Variants in PDE10A observed in about 807,000 individuals in gnomAD.
PDE10A encodes cAMP and cAMP-inhibited cGMP 3',5'-cyclic phosphodiesterase 10A.
A neutral mutation model predicts 97.7 loss-of-function variants in PDE10A; 39 were observed. The ratio of observed to expected loss-of-function variants is 0.40; its 90% CI spans 0.31 to 0.52. PDE10A has a LOEUF of 0.52. Ranked by LOEUF, PDE10A falls within the 20% of genes least tolerant of loss-of-function variation. The pLI is 0.56. For synonymous variants in PDE10A, 371 were observed against 376.8 expected (o/e 0.98, Z 0.18); for missense variants, 731 against 1,047.8 (o/e 0.70, Z 4.17).
chr6:165,528,844 G>T (rs1782605915), intron 2 of PDE10A, among the ~76,000 whole-genome samples: 2 of 152,150 alleles, frequency 1.3e-5, no homozygotes, highest in Admixed American at 6.5e-5. Context: ...ACACCAACTA[G>T]GTGACAATAT....
At chr6:165,892,538 G>A (rs1781833091) in intron 1 of PDE10A, among the ~76,000 whole-genome samples, 1 of 152,176 alleles carries the variant, frequency 6.6e-6, no homozygotes, top group Admixed American at 6.5e-5. Context: ...CTGGAGGTAT[G>A]GCAGCCTCCC....
At chr6:165,844,621 A>T (rs551444494) in intron 1 of PDE10A, among the ~76,000 whole-genome samples, 1 of 152,346 alleles carries the variant, frequency 6.6e-6, no homozygotes, top group Admixed American at 6.5e-5. Flanking sequence ...ATATGTTTTA[A>T]AACCCCAAGT....
intron 1 of PDE10A, among the ~76,000 whole-genome samples, chr6:165,893,223 C>T (rs1045669457): frequency 6.6e-6 from 1 of 152,218 alleles, no homozygotes; most frequent in Non-Finnish European, 1.5e-5. Context: ...AAATAAGCAT[C>T]GCTACAGCAA....
In PDE10A at chr6:165,947,722, T is replaced by C. The variant is rs554601660; in HGVS notation, c.-615+39807A>G. 1.1e-4 allele frequency among the ~76,000 whole-genome samples: 16 copies of C among 152,340 alleles called. No homozygotes were observed. The South Asian group carries it at 2.5e-3, about 24-fold the overall frequency. On this transcript the variant is annotated intron_variant, in intron 1 of 19. Transcript: ENST00000366882. ...ATTGATTCAATGTGCATTAATATGCTATAACCACTGCTACTTTTGATGTCG... is the reference window on the plus strand; with the variant it reads ...ATTGATTCAATGTGCATTAATATGCCATAACCACTGCTACTTTTGATGTCG...
At chr6:165,598,848 T>C (rs1468613976) in intron 1 of PDE10A, among the ~76,000 whole-genome samples, 2 of 152,202 alleles carry the variant, frequency 1.3e-5, no homozygotes, top group Non-Finnish European at 2.9e-5. Context: ...TGCCAGCCGC[T>C]GGGAGGCTGG....
At chr6:165,792,570 C>T (rs1235404432) in intron 1 of PDE10A, among the ~76,000 whole-genome samples, 3 of 152,062 alleles carry the variant, frequency 2.0e-5, no homozygotes, top group African/African-American at 7.2e-5. Flanking sequence ...TCCAGTCTCC[C>T]CAGTCTCCGC....
Position 165,671,137 on chromosome 6 carries a change from A to ATT in PDE10A, c.-614-127571_-614-127570dup, listed in dbSNP as rs34532096. Among the ~76,000 whole-genome samples the ATT allele has an allele frequency of 0.025, 3,737 of 149,436 alleles. 143 individuals carry two copies. The highest frequency in any genetic ancestry group is 0.086 in the African/African-American group (3,512 of 40,798). On this transcript the variant is annotated intron_variant, in intron 1 of 19. Coordinates refer to the PDE10A transcript ENST00000366882. The surrounding 1 kb of genome is among the most constrained non-coding windows in gnomAD (Gnocchi z 4.6). ...CCCTTTTTGGGTAAAACGTTCACTA[A>ATT]TTTTTTTTTTTTTAAGAATCAACAA...
At chr6:165,974,243 G>A (rs1416605173) in intron 1 of PDE10A, among the ~76,000 whole-genome samples, 1 of 152,220 alleles carries the variant, frequency 6.6e-6, no homozygotes, top group Non-Finnish European at 1.5e-5. Flanking sequence ...AAATGGTCAT[G>A]GGCCTTCTAC....
chr6:165,978,404 A>G (rs1784910715), intron 1 of PDE10A, among the ~76,000 whole-genome samples: 1 of 152,250 alleles, frequency 6.6e-6, no homozygotes, highest in Non-Finnish European at 1.5e-5. Flanking sequence ...TTCTCTTTAC[A>G]GTGGAGAAGT....
intron 1 of PDE10A, among the ~76,000 whole-genome samples, chr6:165,790,832 T>C: frequency 6.6e-6 from 1 of 152,144 alleles, no homozygotes; most frequent in East Asian, 1.9e-4. Flanking sequence ...TTACAACTTT[T>C]CCTAACGTTT....
intron 1 of PDE10A, among the ~76,000 whole-genome samples, chr6:165,586,005 C>G (rs1335298314): frequency 1.3e-5 from 2 of 152,136 alleles, no homozygotes; most frequent in East Asian, 3.9e-4. Flanking sequence ...CACTGGACAC[C>G]ATACCCCATA....
At chr6:165,627,316 T>G (rs1788433556) in intron 1 of PDE10A, among the ~76,000 whole-genome samples, 2 of 152,248 alleles carry the variant, frequency 1.3e-5, no homozygotes, top group African/African-American at 2.4e-5. Context: ...TAAATGCATA[T>G]TCTATTAATG....
intron 1 of PDE10A, among the ~76,000 whole-genome samples, chr6:165,678,213 G>GTATATATGTGTATC (rs1790872053): frequency 6.7e-6 from 1 of 148,644 alleles, no homozygotes. Flanking sequence ...GTGTGTCTGT[G>GTATATATGTGTATC]TGTGTATATG....
At position 165,377,505 on chromosome 6, in the gene PDE10A, G is replaced by A. The variant is rs539989379; in HGVS notation, c.2783+1689C>T. 5.3e-5 allele frequency among the ~76,000 whole-genome samples: 8 copies of A among 151,940 alleles called. No individual in the cohort carries two copies. In the South Asian group the frequency reaches 6.2e-4, roughly 12 times the overall value. On this transcript the variant is annotated intron_variant, in intron 18 of 21. Coordinates refer to ENST00000539869, the MANE Select transcript of PDE10A (RefSeq NM_001385079.1). ...TTATTTAAACATGCACCACTACCAC[G>A]TATGTACATGGGTACCAAAAGTGTT...
chr6:165,622,389 A>G (rs1788185797), intron 1 of PDE10A, among the ~76,000 whole-genome samples: 1 of 152,182 alleles, frequency 6.6e-6, no homozygotes, highest in African/African-American at 2.4e-5. Context: ...GTGGACTTAC[A>G]CAAACCCATA....
chr6:165,738,526 C>T (rs966561374), intron 1 of PDE10A, among the ~76,000 whole-genome samples: 8 of 151,720 alleles, frequency 5.3e-5, no homozygotes, highest in African/African-American at 1.5e-4. Context: ...GGGTATATAC[C>T]CAGTAATGGG....
At position 165,655,056 on chromosome 6, in the gene PDE10A, G is replaced by T. The variant is rs778578877; in HGVS notation, c.865+6891C>A. ...GAGTCCAAATCTCTCTTTCTACTCC[G>T]GCTCATAGCACAGAATTCCAGCGGG... On this transcript the variant is annotated intron_variant, in intron 1 of 21. Transcript: ENST00000539869. The surrounding 1 kb of genome is among the most constrained non-coding windows in gnomAD (Gnocchi z 4.5). Among the ~76,000 whole-genome samples, 1 of 152,094 alleles carries T rather than the reference G, an allele frequency of 6.6e-6. No individual in the cohort carries two copies. Among genetic ancestry groups the T allele is most frequent in the African/African-American group, 2.4e-5 (1 of 41,424 alleles).
chr6:165,849,759 C>T (rs372466378), intron 1 of PDE10A, among the ~76,000 whole-genome samples: 1 of 151,916 alleles, frequency 6.6e-6, no homozygotes, highest in African/African-American at 2.4e-5. Context: ...CCAGATGGGG[C>T]GGGGATTTTT....
At chr6:165,959,223 A>C (rs959669881) in intron 1 of PDE10A, among the ~76,000 whole-genome samples, 1 of 152,176 alleles carries the variant, frequency 6.6e-6, no homozygotes, top group East Asian at 1.9e-4. Flanking sequence ...TTCCTAAAAA[A>C]TGTTCAGCTC....
Sources: allele counts gnomAD v4.1 joint callset (sites outside exome capture counted in the v4.1 genomes callset), GRCh38; gene constraint gnomAD v4.1.1; non-coding constraint Gnocchi (gnomAD v3.1); transcripts MANE v1.5; gene names NCBI Gene and HGNC (gene_info 2026-07-23, HGNC 2026-07-21).